Variants in RPL35 observed in about 807,000 individuals in gnomAD.
The protein encoded by RPL35 is large ribosomal subunit protein uL29.
In RPL35, 2 loss-of-function variants were observed where a neutral mutation model predicts 15.6. The ratio of observed to expected loss-of-function variants is 0.13; its 90% CI spans 0.05 to 0.40. The LOEUF is 0.40. RPL35 is among the 10% of genes least tolerant of loss of function. The pLI is 0.99. For synonymous variants in RPL35, 93 were observed against 67.9 expected (o/e 1.37, Z -1.82); for missense variants, 111 against 164.7 (o/e 0.67, Z 1.79).
At position 124,861,896 on chromosome 9, in the gene RPL35, T is replaced by C; in HGVS notation, c.3+14A>G. 1.9e-6 allele frequency: 3 copies of C among 1,603,288 alleles called. No individual in the cohort carries two copies. Among genetic ancestry groups the C allele is most frequent in the South Asian group, 2.2e-5 (2 of 89,890 alleles). Reference sequence around the variant, plus strand: ...TCACAGCGCTCGGATGGCGCCCGATTCCGCAGCTCTCACCATTGCTGCACA... The same window carrying C: ...TCACAGCGCTCGGATGGCGCCCGATCCCGCAGCTCTCACCATTGCTGCACA... On this transcript the variant is annotated intron_variant, in intron 1 of 3. Transcript: ENST00000348462.
chr9:124,858,978 A>G (rs943357961), intron 3 of RPL35, among the ~76,000 whole-genome samples: 1 of 152,148 alleles, frequency 6.6e-6, no homozygotes, highest in Non-Finnish European at 1.5e-5. Flanking sequence ...GGAAGCAGGA[A>G]AGTCTTTGTC....
chr9:124,860,323 G>A (rs1829177363), intron 2 of RPL35, 59 bp from the exon 3 acceptor site: 6 of 1,375,358 alleles, frequency 4.4e-6, no homozygotes, highest in Admixed American at 3.4e-5. Flanking sequence ...CCAAGACTCA[G>A]GACTCACACA....
intron 3 of RPL35, chr9:124,858,422 C>G (rs1237947116): frequency 4.2e-6 from 3 of 708,420 alleles, no homozygotes; most frequent in Admixed American, 4.0e-5. Context: ...ACAGGGCACG[C>G]AGCACCCACC....
chr9:124,861,157 G>C (rs1164757312), intron 2 of RPL35: 2 of 451,506 alleles, frequency 4.4e-6, no homozygotes, highest in African/African-American at 4.1e-5. Context: ...CTCAAGTGTT[G>C]GTGGGAAGCG....
At position 124,861,919 on chromosome 9, in the gene RPL35, A is replaced by C. The variant is rs763002785; in HGVS notation, c.-7T>G. The C allele has an allele frequency of 9.5e-5, 152 of 1,597,126 alleles. 1 individual carries two copies. Among genetic ancestry groups the C allele is most frequent in the Non-Finnish European group, 1.2e-4 (135 of 1,173,470 alleles). ...ATTCCGCAGCTCTCACCATTGCTGC[A>C]CAAGCCGCCAACGCCGCCGCCCGCT... On this transcript the variant is annotated 5_prime_UTR_variant, in exon 1 of 4. Transcript: ENST00000348462.
intron 3 of RPL35, chr9:124,858,272 T>G: frequency 1.6e-6 from 1 of 620,252 alleles, no homozygotes; most frequent in Non-Finnish European, 2.9e-6. Flanking sequence ...GTAAGTCTGC[T>G]GACCTACTGG....
At chr9:124,861,715 C>A (rs1829200416) in intron 1 of RPL35, 160 bp from the exon 2 acceptor site, 2 of 1,318,628 alleles carry the variant, frequency 1.5e-6, no homozygotes, top group Admixed American at 5.2e-5. Context: ...GTGCCTTGGG[C>A]AGAGTAACCC....
chr9:124,861,095 TTACGC>T, intron 2 of RPL35: 1 of 303,216 alleles, frequency 3.3e-6, no homozygotes, highest in Non-Finnish European at 6.2e-6. Context: ...GTAAAATAAC[TTACGC>T]TGCCACTCCA....
chr9:124,861,013 G>A lies in RPL35; in HGVS notation c.140+406C>T, dbSNP rs3780593. 6.8e-3 allele frequency: 1,147 copies of A among 168,846 alleles called. 29 individuals carry two copies. The East Asian group carries it at 0.073, about 11-fold the overall frequency. 10.5% of individuals were successfully genotyped at this position (168,846 alleles called of 1,614,324 possible). A position where few individuals can be genotyped will look rare whatever the true frequency, so the allele number is the denominator to read the frequency against. On this transcript the variant is annotated intron_variant, in intron 2 of 3. Coordinates refer to ENST00000348462, the MANE Select transcript of RPL35 (RefSeq NM_007209.4). ...CACCCATCTAATTTTTTTTTGAGAAGTGGACTTTGTACCCAGGTTGATGAA... is the reference window on the plus strand; with the variant it reads ...CACCCATCTAATTTTTTTTTGAGAAATGGACTTTGTACCCAGGTTGATGAA...
In RPL35 at chr9:124,858,035, A is replaced by G; in HGVS notation, c.255T>C (p.Pro85=). 1 of 1,612,510 alleles carries G rather than the reference A, an allele frequency of 6.2e-7. No individual in the cohort carries two copies. The highest frequency in any genetic ancestry group is 8.5e-7 in the Non-Finnish European group (1 of 1,180,000). Residue 85 remains proline, a synonymous_variant, in exon 4 of 4, where the codon CCT becomes CCC. Transcript: ENST00000348462. ...GGCGGCGCATGGCACGTGTCTTCTT[A>G]GGCCGCAGGTCCAGGGGCTTGTACT... ...GKKYKPLDLR[P]KKTRAMRRRL...
At chr9:124,861,625 C>T in intron 1 of RPL35, 70 bp from the exon 2 acceptor site, 2 of 1,568,554 alleles carry the variant, frequency 1.3e-6, no homozygotes, top group Non-Finnish European at 1.7e-6. Context: ...GTGGCCAGCC[C>T]CCAAAGGCGC....
chr9:124,858,834 G>C (rs529711578), intron 3 of RPL35, among the ~76,000 whole-genome samples: 8 of 152,216 alleles, frequency 5.3e-5, no homozygotes, highest in Admixed American at 2.6e-4. Context: ...CCAGCCTAGT[G>C]GGGGAAGACT....
At chr9:124,858,500 ACT>A in intron 3 of RPL35, 1 of 716,738 alleles carries the variant, frequency 1.4e-6, no homozygotes, top group East Asian at 2.7e-5. Context: ...CTGAGGCAGT[ACT>A]CTGTCCATCT....
At chr9:124,858,161 CAGG>C (rs1304451553) in intron 3 of RPL35, 94 bp from the exon 4 acceptor site, 1 of 1,301,548 alleles carries the variant, frequency 7.7e-7, no homozygotes. Flanking sequence ...CAGAGCCACT[CAGG>C]AGGAGGCTGC....
intron 1 of RPL35, 164 bp from the exon 2 acceptor site, chr9:124,861,719 G>A: frequency 7.5e-7 from 1 of 1,328,982 alleles, no homozygotes. Context: ...CTTGGGCAGA[G>A]TAACCCAGGC....
chr9:124,858,137 T>C (rs1829135414), intron 3 of RPL35, 70 bp from the exon 4 acceptor site: 5 of 1,537,024 alleles, frequency 3.3e-6, no homozygotes, highest in South Asian at 1.2e-5. Flanking sequence ...CTAAGGGGGC[T>C]GGGGAGGGCC....
chr9:124,859,258 C>T (rs577052340), intron 3 of RPL35, among the ~76,000 whole-genome samples: 34 of 152,354 alleles, frequency 2.2e-4, no homozygotes, highest in Admixed American at 1.4e-3. Flanking sequence ...CCTCCTGCCT[C>T]GGCCTCCCAG....
At chr9:124,858,333 T>C (rs766396267) in intron 3 of RPL35, 13 of 623,620 alleles carry the variant, frequency 2.1e-5, no homozygotes, top group Non-Finnish European at 3.5e-5. Flanking sequence ...GGCTTGCATC[T>C]CAGTCAAGTG....
In RPL35 at chr9:124,861,914, G is replaced by A. The variant is rs1041202932; in HGVS notation, c.-2C>T. 1.2e-6 allele frequency: 2 copies of A among 1,600,082 alleles called. No homozygotes were observed. Among genetic ancestry groups the A allele is most frequent in the Non-Finnish European group, 1.7e-6 (2 of 1,174,672 alleles). On this transcript the variant is annotated 5_prime_UTR_variant, in exon 1 of 4. Transcript: ENST00000348462. ...GCCCGATTCCGCAGCTCTCACCATTGCTGCACAAGCCGCCAACGCCGCCGC... is the reference window on the plus strand; with the variant it reads ...GCCCGATTCCGCAGCTCTCACCATTACTGCACAAGCCGCCAACGCCGCCGC...
Sources: gnomAD v4.1 joint callset for allele counts (sites outside exome capture counted in the v4.1 genomes callset) on GRCh38, gnomAD v4.1.1 for gene constraint, MANE v1.5 for transcripts, NCBI Gene and HGNC (gene_info 2026-07-23, HGNC 2026-07-21) for gene names.